Variants in PAPSS1 observed in about 807,000 individuals in gnomAD.
The protein encoded by PAPSS1 is 3'-phosphoadenosine 5'-phosphosulfate synthase 1, also known as bifunctional 3'-phosphoadenosine 5'-phosphosulfate synthase 1.
A neutral mutation model predicts 72.0 loss-of-function variants in PAPSS1; 50 were observed. The observed-to-expected ratio is 0.69, with a 90% CI of 0.55 to 0.88. PAPSS1 has a LOEUF of 0.88. Ranked by LOEUF, PAPSS1 falls within the 40% of genes least tolerant of loss-of-function variation. The pLI, the probability that PAPSS1 is intolerant of heterozygous loss-of-function variation, is 0.00. For missense variants in PAPSS1, 657 were observed against 782.2 expected, an observed-to-expected ratio of 0.84 and a Z score of 1.91; for synonymous variants, 261 against 263.6, an observed-to-expected ratio of 0.99 and a Z score of 0.09.
At chr4:107,665,463 T>A (rs963949079) in intron 5 of PAPSS1, among the ~76,000 whole-genome samples, 3 of 152,162 alleles carry the variant, frequency 2.0e-5, no homozygotes, top group African/African-American at 7.2e-5. Context: ...TTTGTACATA[T>A]AAAACCCTTT....
At chr4:107,635,308 G>GA (rs891694008) in intron 10 of PAPSS1, among the ~76,000 whole-genome samples, 1 of 151,876 alleles carries the variant, frequency 6.6e-6, no homozygotes, top group Non-Finnish European at 1.5e-5. Context: ...AAACTCGAGG[G>GA]AAAAAAATCT....
intron 9 of PAPSS1, among the ~76,000 whole-genome samples, chr4:107,650,995 CATT>C (rs1726824999): frequency 1.3e-5 from 2 of 151,984 alleles, no homozygotes; most frequent in South Asian, 4.1e-4. Flanking sequence ...AGTGGGGCAT[CATT>C]ATTAACTTGT....
At chr4:107,655,780 C>T (rs113959923) in intron 7 of PAPSS1, among the ~76,000 whole-genome samples, 1,544 of 152,244 alleles carry the variant, frequency 0.01, 30 homozygotes, top group African/African-American at 0.034. Flanking sequence ...GGTAGATTTG[C>T]ACCAAGCCCA....
chr4:107,631,574 G>A, intron 11 of PAPSS1, 57 bp downstream of exon 11: 2 of 1,220,612 alleles, frequency 1.6e-6, no homozygotes, highest in Non-Finnish European at 2.4e-6. Context: ...CTAAATCCCT[G>A]GGAGCAGCTA....
intron 11 of PAPSS1, among the ~76,000 whole-genome samples, chr4:107,617,200 T>C (rs987463146): frequency 1.3e-5 from 2 of 150,628 alleles, no homozygotes; most frequent in Admixed American, 1.3e-4. Context: ...TTTATATGAG[T>C]CTTCGGCTTT....
At chr4:107,675,137 A>G (rs1357697897) in intron 5 of PAPSS1, among the ~76,000 whole-genome samples, 5 of 152,206 alleles carry the variant, frequency 3.3e-5, no homozygotes, top group South Asian at 2.1e-4. Context: ...GAGAAGCAAG[A>G]GCAAACACAT....
At chr4:107,676,674 G>GA (rs1211828951) in intron 5 of PAPSS1, among the ~76,000 whole-genome samples, 1 of 152,042 alleles carries the variant, frequency 6.6e-6, no homozygotes, top group Non-Finnish European at 1.5e-5. Flanking sequence ...CATAGAATTG[G>GA]AAAAAACTAC....
chr4:107,712,263 GA>G (rs1317663882), intron 1 of PAPSS1, among the ~76,000 whole-genome samples: 1 of 152,080 alleles, frequency 6.6e-6, no homozygotes, highest in Non-Finnish European at 1.5e-5. Context: ...TTTGTTGTTT[GA>G]TCCTTTCTAG....
chr4:107,702,156 T>C (rs1723221612), intron 1 of PAPSS1, among the ~76,000 whole-genome samples: 1 of 152,172 alleles, frequency 6.6e-6, no homozygotes, highest in Non-Finnish European at 1.5e-5. Flanking sequence ...CCCACTAGGA[T>C]AGCTGTAATA....
chr4:107,703,320 T>C (rs1254266701), intron 1 of PAPSS1, among the ~76,000 whole-genome samples: 1 of 152,150 alleles, frequency 6.6e-6, no homozygotes, highest in Non-Finnish European at 1.5e-5. Context: ...CTTCACTCTG[T>C]TGATTGCACC....
chr4:107,711,644 G>T (rs1449886873), intron 1 of PAPSS1, among the ~76,000 whole-genome samples: 1 of 152,148 alleles, frequency 6.6e-6, no homozygotes, highest in Non-Finnish European at 1.5e-5. Context: ...TCCCTGAAAT[G>T]GTAACAGGCA....
At position 107,671,533 on chromosome 4, in the gene PAPSS1, A is replaced by T. The variant is rs1727467428; in HGVS notation, c.669+10482T>A. On this transcript the variant is annotated intron_variant, in intron 5 of 11. Transcript: ENST00000265174. The stretch of plus-strand genomic sequence containing the variant: ...GCCCCATAAAATTATATAAAATGGT[A>T]TCTATTAAATATGTGCATTTTTCTG... Among the ~76,000 whole-genome samples the T allele has an allele frequency of 2.0e-5, 3 of 152,308 alleles. No homozygotes were observed. In the South Asian group the frequency reaches 6.2e-4, roughly 32 times the overall value.
chr4:107,712,302 C>T (rs1723514108), intron 1 of PAPSS1, among the ~76,000 whole-genome samples: 1 of 152,070 alleles, frequency 6.6e-6, no homozygotes, highest in South Asian at 2.1e-4. Context: ...AAAACAAAAA[C>T]ATTTCATAAA....
chr4:107,687,861 AT>A (rs899890368), intron 3 of PAPSS1, among the ~76,000 whole-genome samples: 2 of 151,658 alleles, frequency 1.3e-5, no homozygotes, highest in Non-Finnish European at 1.5e-5. Context: ...GGTCCCTGCA[AT>A]TTCTACCATC....
At chr4:107,659,279 TTTTG>T (rs1727107936) in intron 6 of PAPSS1, among the ~76,000 whole-genome samples, 1 of 152,212 alleles carries the variant, frequency 6.6e-6, no homozygotes, top group Non-Finnish European at 1.5e-5. Context: ...AGAAGTTTTG[TTTTG>T]TTTTCCTTTC....
Position 107,631,681 on chromosome 4 carries a change from A to G in PAPSS1, c.1686T>C (p.Val562=). 1 of 1,614,126 alleles carries G rather than the reference A, an allele frequency of 6.2e-7. No homozygotes were observed. The highest frequency in any genetic ancestry group is 8.5e-7 in the Non-Finnish European group (1 of 1,179,976). Reference sequence around the variant, plus strand: ...GCTTCTTTTTCTTGTTGTAAGCTGCAACTCGAAAGGGAACTATTTCCAAAG... The same window carrying G: ...GCTTCTTTTTCTTGTTGTAAGCTGCGACTCGAAAGGGAACTATTTCCAAAG... ...LITLEIVPFR[V]AAYNKKKKRM... Residue 562 remains valine (V), a synonymous_variant, in exon 11 of 12, where the codon GTT becomes GTC. Transcript: ENST00000265174.
chr4:107,673,073 T>A lies in PAPSS1; in HGVS notation c.669+8942A>T, dbSNP rs1035352209. Among the ~76,000 whole-genome samples, 9 of 151,876 alleles carry A rather than the reference T, an allele frequency of 5.9e-5. 1 individual carries two copies. Among genetic ancestry groups the A allele is most frequent in the Admixed American group, 5.9e-4 (9 of 15,258 alleles). On this transcript the variant is annotated intron_variant, in intron 5 of 11. Transcript: ENST00000265174. ...AAACCCCATCTGTACGTCACCATCA[T>A]CAAAGACCAAAGGTAGATAAAACCA...
intron 1 of PAPSS1, among the ~76,000 whole-genome samples, chr4:107,714,190 C>G (rs548841177): frequency 6.6e-6 from 1 of 152,190 alleles, no homozygotes; most frequent in Non-Finnish European, 1.5e-5. Flanking sequence ...CAGCAAGAAC[C>G]CTGTTAAATC....
At chr4:107,669,217 T>C (rs889854336) in intron 5 of PAPSS1, among the ~76,000 whole-genome samples, 2 of 152,186 alleles carry the variant, frequency 1.3e-5, no homozygotes, top group African/African-American at 4.8e-5. Flanking sequence ...TGAAGTACAG[T>C]GGGCAAATGC....
Sources: gnomAD v4.1 joint callset for allele counts (sites outside exome capture counted in the v4.1 genomes callset) on GRCh38, gnomAD v4.1.1 for gene constraint, MANE v1.5 for transcripts, NCBI Gene and HGNC (gene_info 2026-07-23, HGNC 2026-07-21) for gene names.